The following PITPNB variants were observed in gnomAD, a reference collection of about 807,000 sequenced individuals.
PITPNB encodes phosphatidylinositol transfer protein beta isoform.
In PITPNB, 16 loss-of-function variants were observed where a neutral mutation model predicts 45.9. The observed-to-expected ratio is 0.35, with a 90% CI of 0.24 to 0.53. The LOEUF (loss-of-function observed/expected upper bound fraction) is 0.53, where lower values mean the gene tolerates loss of function less well. PITPNB is among the 20% of genes least tolerant of loss of function. PITPNB has a pLI of 0.93. For missense variants in PITPNB, 188 were observed against 330.5 expected (o/e 0.57, Z 3.34); for synonymous variants, 112 against 108.9 (o/e 1.03, Z -0.18).
chr22:27,872,745 T>A (rs1255694643), intron 8 of PITPNB, among the ~76,000 whole-genome samples: 2 of 152,270 alleles, frequency 1.3e-5, no homozygotes, highest in East Asian at 1.9e-4. Flanking sequence ...GGTTACCAAG[T>A]AAGACCCTGG....
chr22:27,916,767 C>T (rs184365119), intron 1 of PITPNB, among the ~76,000 whole-genome samples: 26 of 152,082 alleles, frequency 1.7e-4, no homozygotes, highest in Non-Finnish European at 3.8e-4. Context: ...CATGCCACTG[C>T]ACTCCAGCCT....
At chr22:27,914,518 T>C (rs538484022) in intron 1 of PITPNB, among the ~76,000 whole-genome samples, 171 bp from the exon 2 acceptor site, 6 of 152,276 alleles carry the variant, frequency 3.9e-5, no homozygotes, top group Non-Finnish European at 5.9e-5. Flanking sequence ...TACACCATAA[T>C]TGGGGAACTA....
intron 11 of PITPNB, 64 bp from the exon 12 acceptor site, chr22:27,853,727 C>G (rs1934091875): frequency 3.6e-6 from 4 of 1,106,780 alleles, no homozygotes; most frequent in Non-Finnish European, 5.4e-6. Flanking sequence ...ATGTTAGCAG[C>G]TCGTCACACA....
intron 1 of PITPNB, among the ~76,000 whole-genome samples, chr22:27,916,285 C>A (rs950927727): frequency 3.9e-5 from 6 of 152,196 alleles, no homozygotes; most frequent in African/African-American, 1.4e-4. Flanking sequence ...AAGGAACATA[C>A]AGGCTTTGAT....
At chr22:27,891,235 T>A (rs1935269651) in intron 7 of PITPNB, among the ~76,000 whole-genome samples, 1 of 152,234 alleles carries the variant, frequency 6.6e-6, no homozygotes, top group Admixed American at 6.5e-5. Context: ...AAATTTAGAT[T>A]ATGTGTATTT....
chr22:27,860,776 C>A (rs1934304296), intron 8 of PITPNB, among the ~76,000 whole-genome samples: 1 of 152,116 alleles, frequency 6.6e-6, no homozygotes, highest in South Asian at 2.1e-4. Flanking sequence ...GGAGGTAAAT[C>A]CTATACATAC....
At chr22:27,900,591 A>G (rs1045001830) in intron 3 of PITPNB, among the ~76,000 whole-genome samples, 6 of 152,308 alleles carry the variant, frequency 3.9e-5, no homozygotes, top group South Asian at 2.1e-4. Context: ...ACGTGAGAAC[A>G]TTATCAAATA....
chr22:27,867,446 CTAAT>C lies in PITPNB; in HGVS notation c.534+6288_534+6291del, dbSNP rs942978196. Among the ~76,000 whole-genome samples, 19 of 152,248 alleles carry C rather than the reference CTAAT, an allele frequency of 1.2e-4. No homozygotes were observed. In the East Asian group the frequency reaches 3.7e-3, roughly 29 times the overall value. ...TAAATGTGAGTTTAAAAAGACTGAA[CTAAT>C]TGTAGGTTAATCTAATTTCACAAAA... On this transcript the variant is annotated intron_variant, in intron 8 of 11. Coordinates refer to ENST00000335272, the MANE Select transcript of PITPNB (RefSeq NM_012399.5).
Position 27,911,017 on chromosome 22 carries a change from A to G in PITPNB, c.144T>C (p.Tyr48=), listed in dbSNP as rs898964737. Residue 48 remains tyrosine (Y), a synonymous_variant, in exon 3 of 12, where the codon TAT becomes TAC. Coordinates refer to ENST00000335272, the MANE Select transcript of PITPNB (RefSeq NM_012399.5). ...ACTGTCCCTTTTCTCCATCCTTCTCATAAGGTTCATTCTTTAAGACTTCAA... is the reference window on the plus strand; with the variant it reads ...ACTGTCCCTTTTCTCCATCCTTCTCGTAAGGTTCATTCTTTAAGACTTCAA... ...EGIEVLKNEP[Y]EKDGEKGQYT... 6.2e-7 allele frequency: 1 copy of G among 1,611,378 alleles called. No individual in the cohort carries two copies. The highest frequency in any genetic ancestry group is 1.7e-5 in the Admixed American group (1 of 60,000).
chr22:27,858,263 A>G (rs1378584436), intron 10 of PITPNB, 124 bp downstream of exon 10: 4 of 735,276 alleles, frequency 5.4e-6, no homozygotes, highest in South Asian at 3.9e-5. Context: ...TTTGATGAGA[A>G]TAAGTAGAAT....
At chr22:27,862,886 T>C (rs774355403) in intron 8 of PITPNB, among the ~76,000 whole-genome samples, 13 of 152,214 alleles carry the variant, frequency 8.5e-5, no homozygotes, top group Non-Finnish European at 1.5e-4. Context: ...AATATTTACA[T>C]ACTACTCCCC....
intron 8 of PITPNB, among the ~76,000 whole-genome samples, chr22:27,871,988 C>G (rs1934674492): frequency 6.6e-6 from 1 of 151,864 alleles, no homozygotes. Context: ...CCTTTGCCTA[C>G]CATGACTGTA....
chr22:27,890,856 A>G (rs1361786737), intron 7 of PITPNB, among the ~76,000 whole-genome samples: 2 of 152,184 alleles, frequency 1.3e-5, no homozygotes, highest in Non-Finnish European at 2.9e-5. Context: ...CATGAACAAA[A>G]TGTGGTCTAT....
Position 27,896,680 on chromosome 22 carries a change from C to T in PITPNB, c.298-54G>A, listed in dbSNP as rs555599405. 9 of 1,220,650 alleles carry T rather than the reference C, an allele frequency of 7.4e-6. No individual in the cohort carries two copies. The East Asian group carries it at 1.9e-4, about 25-fold the overall frequency. The allele number at this position is 1,220,650 out of a possible 1,614,324, so 75.6% of individuals were successfully genotyped here. A position where few individuals can be genotyped will look rare whatever the true frequency, so the allele number is the denominator to read the frequency against. On this transcript the variant is annotated intron_variant, in intron 5 of 11. Transcript: ENST00000335272. ...GTGATCTTCTACCTGTTCCTTGGTG[C>T]CCACGTCTGAGGGAGCTTTTCCCAG...
chr22:27,906,043 T>G lies in PITPNB; in HGVS notation c.197+4921A>C, dbSNP rs550058378. 3.9e-5 allele frequency among the ~76,000 whole-genome samples: 6 copies of G among 152,318 alleles called. No homozygotes were observed. In the South Asian group the frequency reaches 1.2e-3, roughly 32 times the overall value. On this transcript the variant is annotated intron_variant, in intron 3 of 11. Coordinates refer to ENST00000335272, the MANE Select transcript of PITPNB (RefSeq NM_012399.5). ...ACAAACATGCACATATGGAAATATA[T>G]GACTAGGTATCAAAATGAGTCGAAA...
intron 5 of PITPNB, 35 bp from the exon 6 acceptor site, chr22:27,896,661 T>C: frequency 1.4e-6 from 2 of 1,418,094 alleles, no homozygotes; most frequent in Non-Finnish European, 2.0e-6. Context: ...GACAGTGATC[T>C]TCTACCTGTT....
intron 7 of PITPNB, among the ~76,000 whole-genome samples, chr22:27,890,508 T>G (rs1348982171): frequency 6.6e-6 from 1 of 151,872 alleles, no homozygotes; most frequent in Non-Finnish European, 1.5e-5. Flanking sequence ...AAAACCCAAA[T>G]GTCCATCAAC....
chr22:27,873,765 C>T lies in PITPNB; in HGVS notation c.507G>A (p.Lys169=). 6.2e-7 allele frequency: 1 copy of T among 1,613,176 alleles called. No homozygotes were observed. Among genetic ancestry groups the T allele is most frequent in the East Asian group, 2.2e-5 (1 of 44,878 alleles). The part of the protein sequence containing the change: ...DPALFQSVKT[K]RGPLGPNWKK... The stretch of plus-strand genomic sequence containing the variant: ...TCCAGTTGGGTCCCAAAGGGCCTCT[C>T]TTGGTCTTGACTGACTGGAATAATG... The change falls in exon 8 of 12, where the codon AAG becomes AAA. Residue 169 remains lysine, a synonymous_variant. Coordinates refer to ENST00000335272, the MANE Select transcript of PITPNB (RefSeq NM_012399.5).
Position 27,868,689 on chromosome 22 carries a change from G to A in PITPNB, c.534+5049C>T, listed in dbSNP as rs73880343. On this transcript the variant is annotated intron_variant, in intron 8 of 11. Transcript: ENST00000335272. ...CAAATGGGGCATGCCTTTATGATGA[G>A]AAAGAACATGTACATAAAGATAATT... Among the ~76,000 whole-genome samples, 1,205 of 152,244 alleles carry A rather than the reference G, an allele frequency of 7.9e-3. 20 individuals carry two copies. The highest frequency in any genetic ancestry group is 0.028 in the African/African-American group (1,154 of 41,544).
Sources: allele counts gnomAD v4.1 joint callset (sites outside exome capture counted in the v4.1 genomes callset), GRCh38; gene constraint gnomAD v4.1.1; transcripts MANE v1.5; gene names NCBI Gene and HGNC (gene_info 2026-07-23, HGNC 2026-07-21).